Variants in FBXL17 observed in about 807,000 individuals in gnomAD.
FBXL17 encodes F-box and leucine rich repeat protein 17.
FBXL17 carries 22 observed loss-of-function variants against 66.2 expected under a neutral mutation model. The ratio of observed to expected loss-of-function variants is 0.33; its 90% CI spans 0.24 to 0.47. The LOEUF (loss-of-function observed/expected upper bound fraction) is 0.47. Among genes scored for constraint, FBXL17 ranks in the 20% least tolerant of loss-of-function variants. FBXL17 has a pLI of 1.00. For synonymous variants in FBXL17, 474 were observed against 400.5 expected, an observed-to-expected ratio of 1.18 and a Z score of -2.19; for missense variants, 878 against 948.2, an observed-to-expected ratio of 0.93 and a Z score of 0.97.
chr5:108,034,715 TATTTTTC>T (rs1746772212), intron 6 of FBXL17, among the ~76,000 whole-genome samples: 1 of 152,176 alleles, frequency 6.6e-6, no homozygotes. Context: ...GACAAACTAT[TATTTTTC>T]ATAAGATTAA....
At chr5:108,313,166 C>T (rs1176726676) in intron 4 of FBXL17, among the ~76,000 whole-genome samples, 1 of 152,070 alleles carries the variant, frequency 6.6e-6, no homozygotes, top group East Asian at 1.9e-4. Context: ...AGTAGAGATT[C>T]ATCTAATACA....
chr5:108,289,874 T>C (rs572243926), intron 4 of FBXL17, among the ~76,000 whole-genome samples: 1 of 152,290 alleles, frequency 6.6e-6, no homozygotes. Flanking sequence ...CTTGGTCCTA[T>C]TAAAATTATT....
intron 7 of FBXL17, among the ~76,000 whole-genome samples, chr5:108,007,958 G>A (rs568930212): frequency 6.6e-6 from 1 of 152,096 alleles, no homozygotes; most frequent in South Asian, 2.1e-4. Flanking sequence ...TTACATGTGC[G>A]GCACATATTC....
intron 7 of FBXL17, among the ~76,000 whole-genome samples, chr5:107,958,522 C>T (rs1363492496): frequency 1.3e-5 from 2 of 152,158 alleles, no homozygotes; most frequent in Non-Finnish European, 2.9e-5. Flanking sequence ...AGTTTGCCAG[C>T]CAGAGGGTAA....
intron 7 of FBXL17, among the ~76,000 whole-genome samples, chr5:107,975,425 A>G (rs909626837): frequency 1.3e-5 from 2 of 152,216 alleles, no homozygotes; most frequent in African/African-American, 4.8e-5. Flanking sequence ...GAAATGTCAT[A>G]ATATGTATTT....
intron 4 of FBXL17, among the ~76,000 whole-genome samples, chr5:108,284,186 A>T (rs1391990920): frequency 1.3e-5 from 2 of 151,992 alleles, no homozygotes; most frequent in Non-Finnish European, 2.9e-5. Flanking sequence ...GCTACTGGGC[A>T]TCTACGCAAA....
intron 3 of FBXL17, among the ~76,000 whole-genome samples, chr5:108,351,314 T>C (rs1747641399): frequency 6.6e-6 from 1 of 152,178 alleles, no homozygotes; most frequent in Admixed American, 6.5e-5. Context: ...TTATCTTTGA[T>C]ACAAGGAATC....
intron 4 of FBXL17, among the ~76,000 whole-genome samples, chr5:108,281,834 G>C (rs761080384): frequency 2.6e-5 from 4 of 151,660 alleles, no homozygotes; most frequent in African/African-American, 7.2e-5. Flanking sequence ...AATGAAAAAG[G>C]AGAAATTACA....
chr5:108,276,802 T>C (rs115706860), intron 4 of FBXL17, among the ~76,000 whole-genome samples: 1,708 of 152,240 alleles, frequency 0.011, 47 homozygotes, highest in African/African-American at 0.039. Context: ...CCCTTAGACA[T>C]TTTGAAATGA....
intron 6 of FBXL17, among the ~76,000 whole-genome samples, chr5:108,173,465 G>A (rs1752682053): frequency 6.6e-6 from 1 of 152,116 alleles, no homozygotes; most frequent in South Asian, 2.1e-4. Flanking sequence ...TAGTTAATTA[G>A]CTATGTCCAA....
intron 6 of FBXL17, among the ~76,000 whole-genome samples, chr5:108,100,779 T>C (rs17442556): frequency 0.13 from 20,337 of 152,256 alleles, 1,482 homozygotes; most frequent in Admixed American, 0.17. Flanking sequence ...CAAGTTATAA[T>C]GTCATAGCTT....
At chr5:108,009,798 T>C (rs1337713463) in intron 7 of FBXL17, among the ~76,000 whole-genome samples, 1 of 152,188 alleles carries the variant, frequency 6.6e-6, no homozygotes, top group African/African-American at 2.4e-5. Context: ...ATATCTATCC[T>C]ACAGTGAAAT....
chr5:108,231,312 T>C (rs1755329995), intron 4 of FBXL17, among the ~76,000 whole-genome samples: 1 of 152,162 alleles, frequency 6.6e-6, no homozygotes, highest in Non-Finnish European at 1.5e-5. Context: ...CTATATTCTA[T>C]GCTCATATAC....
chr5:108,267,145 A>G (rs1049999612), intron 4 of FBXL17, among the ~76,000 whole-genome samples: 1 of 152,092 alleles, frequency 6.6e-6, no homozygotes, highest in Non-Finnish European at 1.5e-5. Flanking sequence ...CCAATAATGG[A>G]TATCACTAAA....
At chr5:107,923,534 A>G (rs186870539) in intron 7 of FBXL17, among the ~76,000 whole-genome samples, 103 of 152,280 alleles carry the variant, frequency 6.8e-4, no homozygotes, top group East Asian at 1.9e-4. Context: ...TCTCCTGTCC[A>G]TCTTCTCAAG....
At chr5:107,905,833 C>T (rs1385977378) in intron 7 of FBXL17, among the ~76,000 whole-genome samples, 2 of 152,150 alleles carry the variant, frequency 1.3e-5, no homozygotes, top group East Asian at 3.8e-4. Flanking sequence ...ATATGTTTCA[C>T]ATTTTCTCTG....
At chr5:107,953,402 C>CAAAAAAAAA (rs1166788701) in intron 7 of FBXL17, among the ~76,000 whole-genome samples, 1 of 50,616 alleles carries the variant, frequency 2.0e-5, no homozygotes, top group Non-Finnish European at 3.9e-5. Context: ...GACTCTCTCT[C>CAAAAAAAAA]AAAAAAAAAA....
chr5:108,030,849 C>A (rs1746594259), intron 6 of FBXL17, among the ~76,000 whole-genome samples: 1 of 152,044 alleles, frequency 6.6e-6, no homozygotes, highest in Non-Finnish European at 1.5e-5. Context: ...ATCAGTTGGT[C>A]AGTTTTGTGC....
intron 1 of FBXL17, among the ~76,000 whole-genome samples, chr5:108,371,530 T>G (rs1027705376): frequency 1.7e-4 from 26 of 152,202 alleles, no homozygotes; most frequent in Non-Finnish European, 3.1e-4. Flanking sequence ...TGCTGGCCCA[T>G]TCACAAGAAA....
Sources: allele counts gnomAD v4.1 joint callset (sites outside exome capture counted in the v4.1 genomes callset), GRCh38; gene constraint gnomAD v4.1.1; transcripts MANE v1.5; gene names NCBI Gene and HGNC (gene_info 2026-07-23, HGNC 2026-07-21).